Variants in ZNF532 observed in about 807,000 individuals in gnomAD.
The protein encoded by ZNF532 is zinc finger protein 532.
ZNF532 carries 22 observed loss-of-function variants against 89.3 expected under a neutral mutation model. The observed-to-expected ratio is 0.25, with a 90% CI of 0.18 to 0.35. ZNF532 has a LOEUF of 0.35. ZNF532 is among the 10% of genes least tolerant of loss of function. ZNF532 has a pLI of 1.00. For missense variants in ZNF532, 1,132 were observed against 1,643.4 expected (o/e 0.69, Z 5.38); for synonymous variants, 606 against 649.6 (o/e 0.93, Z 1.02).
At position 58,898,360 on chromosome 18, in the gene ZNF532, C is replaced by T. The variant is rs182947251; in HGVS notation, c.-17-19911C>T. Among the ~76,000 whole-genome samples the T allele has an allele frequency of 7.2e-5, 11 of 152,238 alleles. No individual in the cohort carries two copies. The East Asian group carries it at 2.1e-3, about 29-fold the overall frequency. ...GGCCTACCTTTAATGTATGTAGGGC[C>T]TGGGGCAAGAGTACTAATGGAGACC... On this transcript the variant is annotated intron_variant, in intron 2 of 9. Transcript: ENST00000591808.
At chr18:58,947,666 T>A (rs1036032041) in intron 5 of ZNF532, among the ~76,000 whole-genome samples, 1 of 152,110 alleles carries the variant, frequency 6.6e-6, no homozygotes, top group Non-Finnish European at 1.5e-5. Context: ...TTAATCAGAT[T>A]AACATTCTTT....
chr18:58,956,679 A>T (rs977956923), intron 7 of ZNF532, among the ~76,000 whole-genome samples: 2 of 152,084 alleles, frequency 1.3e-5, no homozygotes, highest in African/African-American at 4.8e-5. Context: ...TTGCCACCTT[A>T]TCACTGAACC....
chr18:58,920,637 G>C lies in ZNF532; in HGVS notation c.2346+4G>C. The C allele has an allele frequency of 4.5e-6, 7 of 1,557,870 alleles. No homozygotes were observed. The highest frequency in any genetic ancestry group is 6.1e-6 in the Non-Finnish European group (7 of 1,150,636). On this transcript the variant is annotated splice_donor_region_variant and intron_variant, in intron 3 of 9. Coordinates refer to ENST00000591808, the MANE Select transcript of ZNF532 (RefSeq NM_001375912.1). ...GGCTGCAGATACGAGTGGACAAGTA[G>C]AGTATCATTTAAATTTTTGTGTTTC... is the stretch of plus-strand genomic sequence containing the variant.
intron 2 of ZNF532, among the ~76,000 whole-genome samples, chr18:58,883,255 G>T (rs2058057555): frequency 6.6e-6 from 1 of 152,198 alleles, no homozygotes. Context: ...TAAAGTCAAT[G>T]ATGGTGGGCA....
At chr18:58,911,795 G>T (rs1398436094) in intron 2 of ZNF532, among the ~76,000 whole-genome samples, 1 of 152,206 alleles carries the variant, frequency 6.6e-6, no homozygotes, top group East Asian at 1.9e-4. Context: ...GAGGGCTACA[G>T]GCACGCCCTC....
intron 6 of ZNF532, among the ~76,000 whole-genome samples, chr18:58,949,722 G>A (rs757159063): frequency 1.1e-4 from 16 of 152,178 alleles, no homozygotes; most frequent in Non-Finnish European, 1.5e-4. Flanking sequence ...AGTTTAAAGC[G>A]CAAAGTCCCT....
intron 2 of ZNF532, among the ~76,000 whole-genome samples, chr18:58,867,895 C>G (rs1207204282): frequency 3.3e-5 from 5 of 152,192 alleles, no homozygotes; most frequent in Non-Finnish European, 7.3e-5. Flanking sequence ...TCTTTTCTCT[C>G]AGCGATTCCC....
chr18:58,863,567 G>T, upstream of ZNF532: 2 of 148,004 alleles, frequency 1.4e-5, no homozygotes, highest in South Asian at 3.8e-4. Flanking sequence ...CGCACACACA[G>T]ACCCCGGCAG....
intron 2 of ZNF532, among the ~76,000 whole-genome samples, chr18:58,890,640 G>T: frequency 1.4e-5 from 2 of 147,624 alleles, no homozygotes; most frequent in African/African-American, 2.5e-5. Context: ...AAGGATATGT[G>T]AATTACTTAT....
intron 6 of ZNF532, among the ~76,000 whole-genome samples, chr18:58,950,034 C>T (rs2064012016): frequency 6.6e-6 from 1 of 152,052 alleles, no homozygotes; most frequent in Admixed American, 6.5e-5. Flanking sequence ...TAATGAAACA[C>T]CAGGAAGAAT....
At chr18:58,950,574 A>AC (rs1175646768) in intron 6 of ZNF532, among the ~76,000 whole-genome samples, 1 of 152,130 alleles carries the variant, frequency 6.6e-6, no homozygotes, top group Non-Finnish European at 1.5e-5. Flanking sequence ...AGGAAGTGGA[A>AC]CAGGCACAAG....
rs147848756 is a variant in ZNF532 at position 58,918,787 on chromosome 18, C to T, written c.500C>T (p.Ser167Leu). ...SSFRSNVLTG[S>L]APQQDYDKLK... ...TTCAGGTCGAATGTGTTGACGGGGT[C>T]GGCTCCCCAGCAGGACTACGATAAG... The change falls in exon 3 of 10, where the codon TCG (serine) becomes TTG (leucine). Residue 167 changes from serine to leucine, a missense_variant. Transcript: ENST00000591808. The T allele has an allele frequency of 1.8e-3, 2,968 of 1,614,070 alleles. 11 individuals are homozygous for T. Among genetic ancestry groups the T allele is most frequent in the South Asian group, 2.2e-3 (198 of 91,076 alleles).
At chr18:58,954,722 T>TG (rs1180710065) in intron 7 of ZNF532, among the ~76,000 whole-genome samples, 7 of 141,766 alleles carry the variant, frequency 4.9e-5, no homozygotes, top group Non-Finnish European at 9.6e-5. Context: ...TTTTTTTTTT[T>TG]TTTTTTTTGA....
chr18:58,981,240 ACTT>A (rs2067733290), intron 8 of ZNF532: 2 of 531,348 alleles, frequency 3.8e-6, no homozygotes, highest in South Asian at 4.2e-5. Flanking sequence ...CATTGTGAAA[ACTT>A]CTTTTGAAAT....
rs77550235 is a variant in ZNF532, at chr18:58,871,653, G to A, written c.-18+6074G>A. On this transcript the variant is annotated intron_variant, in intron 2 of 9. Transcript: ENST00000591808. ...GGTGCTAAACAGCAAAGACACTGGC[G>A]CCGTTCACGTTGGAGGTGATAGCTG... 2.6e-4 allele frequency among the ~76,000 whole-genome samples: 40 copies of A among 152,308 alleles called. No individual in the cohort carries two copies. In the East Asian group the frequency reaches 6.4e-3, roughly 24 times the overall value.
chr18:58,871,965 T>G (rs1252333809), intron 2 of ZNF532, among the ~76,000 whole-genome samples: 3 of 152,262 alleles, frequency 2.0e-5, no homozygotes, highest in Non-Finnish European at 2.9e-5. Flanking sequence ...GAAGAATCTT[T>G]TGTTCCAACA....
chr18:58,933,165 G>C (rs1481450372), intron 3 of ZNF532, among the ~76,000 whole-genome samples: 2 of 152,030 alleles, frequency 1.3e-5, no homozygotes, highest in Non-Finnish European at 2.9e-5. Context: ...TGAAATATGT[G>C]TTATGAGAAA....
At chr18:58,903,746 C>T (rs2059747021) in intron 2 of ZNF532, among the ~76,000 whole-genome samples, 1 of 152,020 alleles carries the variant, frequency 6.6e-6, no homozygotes, top group Admixed American at 6.6e-5. Flanking sequence ...ATTGTACATA[C>T]CCGCAAGGCA....
rs532423284 is a variant in ZNF532 at position 58,974,221 on chromosome 18, A to G, written c.3151-4834A>G. Among the ~76,000 whole-genome samples, 11 of 152,330 alleles carry G rather than the reference A, an allele frequency of 7.2e-5. No homozygotes were observed. In the Middle Eastern group the frequency reaches 0.01, roughly 141 times the overall value. ...GGAATATAGTGAAGTCTTAACTCCT[A>G]AGTTTCTTATCTTGAAGTCTCCTTA... On this transcript the variant is annotated intron_variant, in intron 7 of 9. Transcript: ENST00000591808.
Sources: gnomAD v4.1 joint callset for allele counts (sites outside exome capture counted in the v4.1 genomes callset) on GRCh38, gnomAD v4.1.1 for gene constraint, MANE v1.5 for transcripts, NCBI Gene and HGNC (gene_info 2026-07-23, HGNC 2026-07-21) for gene names.